The following AUTS2 variants were observed in gnomAD, a reference collection of about 807,000 sequenced individuals.
AUTS2 encodes activator of transcription and developmental regulator AUTS2, also known as autism susceptibility gene 2 protein.
AUTS2 carries 17 observed loss-of-function variants against 112.4 expected under a neutral mutation model. That is an observed-to-expected ratio of 0.15 (90% CI 0.10 to 0.23). The LOEUF (loss-of-function observed/expected upper bound fraction) is 0.23, where lower values mean the gene tolerates loss of function less well. AUTS2 is among the 10% of genes least tolerant of loss of function. The pLI, the probability that AUTS2 is intolerant of heterozygous loss-of-function variation, is 1.00. For synonymous variants in AUTS2, 751 were observed against 702.7 expected (o/e 1.07, Z -1.09); for missense variants, 1,510 against 1,701.6 (o/e 0.89, Z 1.98).
chr7:70,523,604 C>T (rs3113268), intron 5 of AUTS2, among the ~76,000 whole-genome samples: 4 of 151,976 alleles, frequency 2.6e-5, no homozygotes, highest in Non-Finnish European at 4.4e-5. Context: ...AGTTTGGGGG[C>T]GTCTAGGGGT....
At chr7:70,718,491 C>G (rs957662112) in intron 6 of AUTS2, among the ~76,000 whole-genome samples, 2 of 152,066 alleles carry the variant, frequency 1.3e-5, no homozygotes, top group African/African-American at 4.8e-5. Flanking sequence ...GGCAAAACAC[C>G]GTCTCTACAA....
chr7:70,423,280 G>C (rs1377841200), intron 4 of AUTS2, among the ~76,000 whole-genome samples: 1 of 152,182 alleles, frequency 6.6e-6, no homozygotes, highest in Non-Finnish European at 1.5e-5. Context: ...TCTCCTGGTT[G>C]ATTTTGGTAA....
chr7:69,783,070 CAA>C (rs1156847290), intron 1 of AUTS2, among the ~76,000 whole-genome samples: 2 of 148,890 alleles, frequency 1.3e-5, no homozygotes, highest in African/African-American at 5.0e-5. Context: ...TTGACCCTCT[CAA>C]GAGGGTGCTG....
At chr7:70,163,485 G>A (rs1478278815) in intron 4 of AUTS2, among the ~76,000 whole-genome samples, 1 of 151,918 alleles carries the variant, frequency 6.6e-6, no homozygotes, top group African/African-American at 2.4e-5. Context: ...CAGATACAAT[G>A]CAAAAGCCAT....
intron 1 of AUTS2, among the ~76,000 whole-genome samples, chr7:69,762,921 T>TA (rs1410139044): frequency 6.6e-6 from 1 of 152,196 alleles, no homozygotes; most frequent in African/African-American, 2.4e-5. Context: ...CATCACTGTG[T>TA]AAAAAATGCT....
chr7:69,610,909 G>A (rs183259057), intron 1 of AUTS2, among the ~76,000 whole-genome samples: 25 of 152,264 alleles, frequency 1.6e-4, no homozygotes, highest in African/African-American at 5.8e-4. Context: ...ATTGTTATTA[G>A]GGAAGTCAGT....
chr7:70,187,381 G>GGTA, intron 4 of AUTS2, among the ~76,000 whole-genome samples: 1 of 152,248 alleles, frequency 6.6e-6, no homozygotes, highest in South Asian at 2.1e-4. Flanking sequence ...AAATATGTAA[G>GGTA]ATATATACCT....
chr7:70,139,102 G>A (rs1806718594), intron 4 of AUTS2, among the ~76,000 whole-genome samples: 1 of 152,110 alleles, frequency 6.6e-6, no homozygotes, highest in South Asian at 2.1e-4. Flanking sequence ...CAGTATCTGG[G>A]AGTAAATGTG....
At chr7:69,769,120 G>A (rs918635718) in intron 1 of AUTS2, among the ~76,000 whole-genome samples, 1 of 152,244 alleles carries the variant, frequency 6.6e-6, no homozygotes, top group Non-Finnish European at 1.5e-5. Flanking sequence ...TGAACCATGT[G>A]AAGCTTAAAA....
At chr7:70,674,016 G>A (rs1162595141) in intron 5 of AUTS2, among the ~76,000 whole-genome samples, 1 of 152,166 alleles carries the variant, frequency 6.6e-6, no homozygotes, top group Non-Finnish European at 1.5e-5. Context: ...GGCTTTATGA[G>A]GTAGGAGGGG....
intron 5 of AUTS2, among the ~76,000 whole-genome samples, chr7:70,499,827 G>A (rs1013167604): frequency 3.9e-5 from 6 of 152,310 alleles, no homozygotes; most frequent in Middle Eastern, 3.4e-3. Flanking sequence ...GCTCCCAGAT[G>A]TAGATAGGAG....
At chr7:70,233,989 G>A (rs1471607083) in intron 4 of AUTS2, among the ~76,000 whole-genome samples, 1 of 152,174 alleles carries the variant, frequency 6.6e-6, no homozygotes, top group African/African-American at 2.4e-5. Flanking sequence ...TGCTTTTGAA[G>A]TGATCAAACT....
intron 5 of AUTS2, among the ~76,000 whole-genome samples, chr7:70,693,886 A>T (rs895067809): frequency 6.6e-6 from 1 of 151,542 alleles, no homozygotes; most frequent in African/African-American, 2.4e-5. Flanking sequence ...CCGCGGGGGG[A>T]GCAACAGCTG....
chr7:70,592,896 C>T (rs181788914), intron 5 of AUTS2, among the ~76,000 whole-genome samples: 397 of 152,302 alleles, frequency 2.6e-3, no homozygotes, highest in Non-Finnish European at 4.4e-3. Flanking sequence ...GTTGCCCAGG[C>T]TGCAGTGCGG....
intron 2 of AUTS2, among the ~76,000 whole-genome samples, chr7:70,063,015 C>T (rs1395872555): frequency 2.0e-5 from 3 of 152,134 alleles, no homozygotes; most frequent in Admixed American, 6.5e-5. Flanking sequence ...AACTGCTAAG[C>T]GAGCCCTTTT....
chr7:70,755,161 C>G lies in AUTS2; in HGVS notation c.743-7709C>G, dbSNP rs965525030. 5.3e-5 allele frequency among the ~76,000 whole-genome samples: 8 copies of G among 152,184 alleles called. 1 individual carries two copies. The highest frequency in any genetic ancestry group is 5.2e-4 in the Admixed American group (8 of 15,280). On this transcript the variant is annotated intron_variant, in intron 6 of 18. Coordinates refer to ENST00000342771, the MANE Select transcript of AUTS2 (RefSeq NM_015570.4). Reference sequence around the variant, plus strand: ...TTCTGATGTGTGCCTGTAGTCCCATCTCCTCAGGAGACTGAGTGGGGAGGA... The same window carrying G: ...TTCTGATGTGTGCCTGTAGTCCCATGTCCTCAGGAGACTGAGTGGGGAGGA...
At chr7:69,733,778 C>T (rs1284452462) in intron 1 of AUTS2, among the ~76,000 whole-genome samples, 4 of 152,102 alleles carry the variant, frequency 2.6e-5, no homozygotes, top group Non-Finnish European at 5.9e-5. Context: ...GATTTTGGTG[C>T]CAAGGAGTCT....
chr7:70,675,364 A>G (rs543599140), intron 5 of AUTS2, among the ~76,000 whole-genome samples: 2 of 152,252 alleles, frequency 1.3e-5, no homozygotes, highest in East Asian at 3.9e-4. Flanking sequence ...GTGGTGGTGC[A>G]TGCCTGTAAT....
chr7:70,620,466 C>T (rs1327959730), intron 5 of AUTS2, among the ~76,000 whole-genome samples: 4 of 152,024 alleles, frequency 2.6e-5, no homozygotes, highest in Non-Finnish European at 5.9e-5. Context: ...TCAGTCACAC[C>T]ACGCTCATCA....
Sources: gnomAD v4.1 joint callset for allele counts (sites outside exome capture counted in the v4.1 genomes callset) on GRCh38, gnomAD v4.1.1 for gene constraint, MANE v1.5 for transcripts, NCBI Gene and HGNC (gene_info 2026-07-23, HGNC 2026-07-21) for gene names.